ROBO2: variants seen among roughly 807,000 people sequenced by gnomAD.
The protein encoded by ROBO2 is roundabout guidance receptor 2, also known as roundabout homolog 2.
ROBO2 carries 53 observed loss-of-function variants against 160.8 expected under a neutral mutation model. That is an observed-to-expected ratio of 0.33 (90% CI 0.26 to 0.41). The LOEUF is 0.41. Ranked by LOEUF, ROBO2 falls within the 10% of genes least tolerant of loss-of-function variation. The pLI is 1.00. For synonymous variants in ROBO2, 664 were observed against 611.7 expected, an observed-to-expected ratio of 1.09 and a Z score of -1.26; for missense variants, 1,577 against 1,722.4, an observed-to-expected ratio of 0.92 and a Z score of 1.49.
At chr3:77,602,358 G>C (rs2094445746) in exon 20 of ROBO2, 1 of 1,613,956 alleles carries the variant, frequency 6.2e-7, no homozygotes, top group Admixed American at 1.7e-5. Context: ...CCACGACACA[G>C]ATCTTGCATT....
At chr3:76,295,532 G>T (rs1463141321) in intron 2 of ROBO2, among the ~76,000 whole-genome samples, 1 of 152,138 alleles carries the variant, frequency 6.6e-6, no homozygotes, top group African/African-American at 2.4e-5. Context: ...CTTCTGTACA[G>T]TGGATTTACA....
intron 2 of ROBO2, among the ~76,000 whole-genome samples, chr3:76,531,337 C>G (rs538655150): frequency 1.5e-3 from 225 of 152,250 alleles, no homozygotes; most frequent in African/African-American, 5.1e-3. Flanking sequence ...CTTTAAGAAT[C>G]TAGCAATGAG....
chr3:77,257,412 A>G lies in ROBO2; in HGVS notation c.388+159072A>G, dbSNP rs549821996. On this transcript the variant is annotated intron_variant, in intron 2 of 25. Transcript: ENST00000461745. ...GAACACTGAGATGTGGGGACCTGGC[A>G]AAGTTTAATTGGCAAGCTGTTGTAG... Among the ~76,000 whole-genome samples, 83 of 152,322 alleles carry G rather than the reference A, an allele frequency of 5.4e-4. No individual in the cohort carries two copies. In the South Asian group the frequency reaches 0.01, roughly 19 times the overall value.
chr3:77,246,349 G>GTGTA (rs2089726734), intron 2 of ROBO2, among the ~76,000 whole-genome samples: 1 of 151,798 alleles, frequency 6.6e-6, no homozygotes, highest in Non-Finnish European at 1.5e-5. Flanking sequence ...GTGTGTGTGT[G>GTGTA]TGTGTGTGTG....
intron 2 of ROBO2, among the ~76,000 whole-genome samples, chr3:76,877,924 G>A (rs543202480): frequency 6.6e-6 from 1 of 152,310 alleles, no homozygotes; most frequent in African/African-American, 2.4e-5. Context: ...AGAAGGGAGA[G>A]AAGGAAGGAG....
At chr3:76,673,390 G>A (rs1975574) in intron 2 of ROBO2, among the ~76,000 whole-genome samples, 49,521 of 151,980 alleles carry the variant, frequency 0.33, 9,070 homozygotes, top group East Asian at 0.53. Context: ...GGTGAACTCT[G>A]AGAGTTCGCA....
rs1553704457 is a variant in ROBO2 at position 75,937,841 on chromosome 3, T to TTATTTATATA, written c.109+242_109+243insTTATATATAT. On this transcript the variant is annotated intron_variant, in intron 2 of 26. Transcript: ENST00000487694. Reference sequence around the variant, plus strand: ...TGGCTTTTATCTGTTGGAATTGATTTTATATATATATATATATATATATAT... The same window carrying TTATTTATATA: ...TGGCTTTTATCTGTTGGAATTGATTTTATTTATATATATATATATATATATATATATATAT... 5.7e-5 allele frequency among the ~76,000 whole-genome samples: 6 copies of TTATTTATATA among 105,510 alleles called. No homozygotes were observed. The East Asian group carries it at 1.7e-3, about 30-fold the overall frequency. The allele number at this position is 105,510 out of a possible 152,430, so 69.2% of individuals were successfully genotyped here. A position where few individuals can be genotyped will look rare whatever the true frequency, so the allele number is the denominator to read the frequency against.
At chr3:76,261,167 TA>T (rs1216936572) in intron 2 of ROBO2, among the ~76,000 whole-genome samples, 1 of 124,872 alleles carries the variant, frequency 8.0e-6, no homozygotes, top group Non-Finnish European at 1.7e-5. Context: ...TAAACTAAAT[TA>T]TGTGTGTGTG....
intron 2 of ROBO2, among the ~76,000 whole-genome samples, chr3:76,054,113 T>C (rs897424353): frequency 1.3e-5 from 2 of 152,154 alleles, no homozygotes; most frequent in African/African-American, 2.4e-5. Context: ...CTTTTTGTAA[T>C]TGAGAGTTAT....
intron 2 of ROBO2, among the ~76,000 whole-genome samples, chr3:76,062,310 A>T (rs2107895036): frequency 6.8e-6 from 1 of 145,986 alleles, no homozygotes; most frequent in Non-Finnish European, 1.5e-5. Flanking sequence ...TAAAAAGTTA[A>T]CTTAAAAATT....
At chr3:76,599,008 T>A (rs1398237582) in intron 2 of ROBO2, among the ~76,000 whole-genome samples, 1 of 152,150 alleles carries the variant, frequency 6.6e-6, no homozygotes, top group African/African-American at 2.4e-5. Context: ...AGTAACCTCA[T>A]CTTTAATTAC....
At chr3:76,433,444 G>T (rs979958831) in intron 2 of ROBO2, among the ~76,000 whole-genome samples, 1 of 151,912 alleles carries the variant, frequency 6.6e-6, no homozygotes, top group Non-Finnish European at 1.5e-5. Context: ...ATTTTATCTG[G>T]CAACCTTACC....
chr3:76,135,765 C>T (rs1025805148), intron 2 of ROBO2, among the ~76,000 whole-genome samples: 7 of 152,070 alleles, frequency 4.6e-5, no homozygotes, highest in South Asian at 2.1e-4. Flanking sequence ...AGCAACTATG[C>T]GCAATTCCCA....
At chr3:77,128,408 G>T (rs1039541909) in intron 2 of ROBO2, among the ~76,000 whole-genome samples, 1 of 152,104 alleles carries the variant, frequency 6.6e-6, no homozygotes, top group African/African-American at 2.4e-5. Context: ...TACTATCCCT[G>T]GTTTCAGATA....
At chr3:77,164,607 A>C (rs1579539620) in intron 2 of ROBO2, among the ~76,000 whole-genome samples, 2 of 108,584 alleles carry the variant, frequency 1.8e-5, no homozygotes, top group South Asian at 3.5e-4. Context: ...GGCTGCCCCT[A>C]CTGGGAAGTG....
chr3:77,396,590 A>G (rs1015298888), intron 2 of ROBO2, among the ~76,000 whole-genome samples: 1 of 152,138 alleles, frequency 6.6e-6, no homozygotes, highest in African/African-American at 2.4e-5. Context: ...GTTGGTATCT[A>G]TTAAGTTTTT....
intron 2 of ROBO2, among the ~76,000 whole-genome samples, chr3:77,021,199 C>CA (rs897267593): frequency 2.7e-5 from 4 of 150,842 alleles, no homozygotes; most frequent in Admixed American, 6.6e-5. Flanking sequence ...AGACTGTCTC[C>CA]AAAAAAAAGA....
chr3:76,157,695 A>C (rs931423933), intron 2 of ROBO2, among the ~76,000 whole-genome samples: 4 of 152,198 alleles, frequency 2.6e-5, no homozygotes, highest in Non-Finnish European at 5.9e-5. Flanking sequence ...CTAAATTTCC[A>C]GGAGTCCACA....
At chr3:76,818,492 T>C (rs1178656316) in intron 2 of ROBO2, among the ~76,000 whole-genome samples, 3 of 152,116 alleles carry the variant, frequency 2.0e-5, no homozygotes, top group East Asian at 3.9e-4. Context: ...AGAAGCTTTT[T>C]AGTTTAATTA....
Sources: allele counts gnomAD v4.1 joint callset (sites outside exome capture counted in the v4.1 genomes callset), GRCh38; gene constraint gnomAD v4.1.1; transcripts MANE v1.5; gene names NCBI Gene and HGNC (gene_info 2026-07-23, HGNC 2026-07-21).